The following DEPTOR variants were observed in gnomAD, a reference collection of about 807,000 sequenced individuals.
DEPTOR encodes DEP domain-containing mTOR-interacting protein.
A neutral mutation model predicts 41.6 loss-of-function variants in DEPTOR; 41 were observed. The observed-to-expected ratio is 0.98, with a 90% CI of 0.77 to 1.28. The LOEUF (loss-of-function observed/expected upper bound fraction) is 1.28, where lower values mean the gene tolerates loss of function less well. Ranked by LOEUF, DEPTOR falls within the 50% of genes most tolerant of loss-of-function variation. The pLI, the probability that DEPTOR is intolerant of heterozygous loss-of-function variation, is 0.00. For missense variants in DEPTOR, 514 were observed against 527.9 expected, an observed-to-expected ratio of 0.97 and a Z score of 0.26; for synonymous variants, 195 against 192.3, an observed-to-expected ratio of 1.01 and a Z score of -0.12.
intron 1 of DEPTOR, among the ~76,000 whole-genome samples, chr8:119,889,426 G>A (rs1000811734): frequency 6.6e-6 from 1 of 151,012 alleles, no homozygotes; most frequent in African/African-American, 2.4e-5. Context: ...GCATACCTGT[G>A]ATCTGAGCTA....
At chr8:119,894,258 G>T (rs1423129656) in intron 1 of DEPTOR, among the ~76,000 whole-genome samples, 1 of 151,732 alleles carries the variant, frequency 6.6e-6, no homozygotes, top group African/African-American at 2.4e-5. Context: ...TTGAGACAGG[G>T]TCTCACTATG....
chr8:119,984,175 C>T (rs1828801481), intron 4 of DEPTOR, among the ~76,000 whole-genome samples: 1 of 152,138 alleles, frequency 6.6e-6, no homozygotes, highest in Admixed American at 6.5e-5. Context: ...ATCCTTTTGG[C>T]CCTGACACCC....
intron 6 of DEPTOR, among the ~76,000 whole-genome samples, chr8:120,005,483 C>T (rs1488507667): frequency 1.3e-5 from 2 of 152,082 alleles, no homozygotes; most frequent in African/African-American, 4.8e-5. Context: ...GGTAGATCAT[C>T]ACGCCTTGCC....
At chr8:120,032,712 C>T (rs77629956) in intron 8 of DEPTOR, among the ~76,000 whole-genome samples, 28,076 of 152,166 alleles carry the variant, frequency 0.18, 3,221 homozygotes, top group Non-Finnish European at 0.25. Flanking sequence ...ACCTCTGCGT[C>T]TACCTCTCAC....
chr8:120,030,768 ACC>A (rs1812879472), intron 8 of DEPTOR, among the ~76,000 whole-genome samples: 1 of 151,666 alleles, frequency 6.6e-6, no homozygotes, highest in South Asian at 2.1e-4. Context: ...TGCTGGGATT[ACC>A]GGTGTAAGCC....
chr8:120,045,117 T>A lies in DEPTOR; in HGVS notation c.1102-4459T>A, dbSNP rs56763721. On this transcript the variant is annotated intron_variant, in intron 8 of 8. Transcript: ENST00000286234. ...AGATGTGCTCAGGTGGCAGCACAAG[T>A]AAGAAGGTTTGTGTGAAATGAGCAG... Among the ~76,000 whole-genome samples, 486 of 152,272 alleles carry A rather than the reference T, an allele frequency of 3.2e-3. 2 individuals carry two copies. The highest frequency in any genetic ancestry group is 0.011 in the African/African-American group (467 of 41,562).
chr8:119,944,870 G>A (rs185998328), intron 3 of DEPTOR, among the ~76,000 whole-genome samples: 104 of 152,082 alleles, frequency 6.8e-4, no homozygotes, highest in African/African-American at 2.4e-3. Flanking sequence ...TGGCCAGGAT[G>A]GTCTCAATCT....
At chr8:119,916,298 T>A (rs990240956) in intron 1 of DEPTOR, among the ~76,000 whole-genome samples, 1 of 112,460 alleles carries the variant, frequency 8.9e-6, no homozygotes, top group Non-Finnish European at 2.0e-5. Context: ...TTTTTTTTTT[T>A]TTTTAGAAAT....
At chr8:120,032,091 A>G (rs1404916410) in intron 8 of DEPTOR, among the ~76,000 whole-genome samples, 1 of 152,084 alleles carries the variant, frequency 6.6e-6, no homozygotes, top group African/African-American at 2.4e-5. Context: ...ACCCATCAGC[A>G]TCTAGCCTCT....
At chr8:119,913,779 A>G (rs1377943168) in intron 1 of DEPTOR, among the ~76,000 whole-genome samples, 1 of 152,154 alleles carries the variant, frequency 6.6e-6, no homozygotes, top group African/African-American at 2.4e-5. Flanking sequence ...CCAGCAATGC[A>G]CACTCTTCAG....
intron 8 of DEPTOR, among the ~76,000 whole-genome samples, chr8:120,026,010 G>A (rs1034123283): frequency 1.4e-5 from 2 of 141,720 alleles, no homozygotes; most frequent in African/African-American, 5.2e-5. Context: ...TTCTGAGACC[G>A]AGTTTCACTC....
chr8:119,988,695 C>G (rs1050816499), intron 4 of DEPTOR, among the ~76,000 whole-genome samples: 6 of 152,108 alleles, frequency 3.9e-5, no homozygotes, highest in Non-Finnish European at 7.4e-5. Flanking sequence ...TTTGGACAGG[C>G]TGATCTTGAA....
intron 8 of DEPTOR, among the ~76,000 whole-genome samples, chr8:120,013,296 A>G (rs1390640892): frequency 2.6e-5 from 4 of 152,210 alleles, no homozygotes; most frequent in Non-Finnish European, 5.9e-5. Context: ...TTACAATGAT[A>G]GCAAATACCA....
At chr8:119,874,561 G>A (rs1168216093) in intron 1 of DEPTOR, 1 of 152,282 alleles carries the variant, frequency 6.6e-6, no homozygotes, top group East Asian at 1.9e-4. Context: ...GCACCTATCA[G>A]TTAATTGGCA....
intron 8 of DEPTOR, among the ~76,000 whole-genome samples, chr8:120,032,997 A>G (rs962243089): frequency 2.0e-5 from 3 of 152,030 alleles, no homozygotes; most frequent in African/African-American, 7.2e-5. Flanking sequence ...CATCCAGTAA[A>G]AGAGAAGTGA....
rs537816668 is a variant in DEPTOR, at chr8:119,950,055, A to C, written c.426-15177A>C. Among the ~76,000 whole-genome samples the C allele has an allele frequency of 2.0e-5, 3 of 152,308 alleles. No homozygotes were observed. In the South Asian group the frequency reaches 6.2e-4, roughly 32 times the overall value. On this transcript the variant is annotated intron_variant, in intron 3 of 8. Transcript: ENST00000286234. Reference sequence around the variant, plus strand: ...CTATTTAGGCTTATTTTTTCTGTGTAGTATGAGGTTAAGGATCCAACTTCT... The same window carrying C: ...CTATTTAGGCTTATTTTTTCTGTGTCGTATGAGGTTAAGGATCCAACTTCT...
intron 8 of DEPTOR, among the ~76,000 whole-genome samples, chr8:120,033,008 G>A (rs185097116): frequency 1.2e-4 from 18 of 151,974 alleles, no homozygotes; most frequent in African/African-American, 4.3e-4. Flanking sequence ...AGAGAAGTGA[G>A]GATGGGCTGA....
At chr8:119,964,139 G>A (rs1185816523) in intron 3 of DEPTOR, among the ~76,000 whole-genome samples, 1 of 152,112 alleles carries the variant, frequency 6.6e-6, no homozygotes, top group Admixed American at 6.6e-5. Flanking sequence ...CACCACGATG[G>A]CTCCAGCCTT....
intron 8 of DEPTOR, among the ~76,000 whole-genome samples, chr8:120,030,080 T>A (rs1812861714): frequency 6.6e-6 from 1 of 152,086 alleles, no homozygotes; most frequent in Admixed American, 6.5e-5. Flanking sequence ...GCCAGAGTAA[T>A]CAGGACCAGG....
Sources: gnomAD v4.1 joint callset for allele counts (sites outside exome capture counted in the v4.1 genomes callset) on GRCh38, gnomAD v4.1.1 for gene constraint, MANE v1.5 for transcripts, NCBI Gene and HGNC (gene_info 2026-07-23, HGNC 2026-07-21) for gene names.